Variants in RBP3 observed in about 807,000 individuals in gnomAD.
RBP3 encodes the protein retinol binding protein 3, also known as retinol-binding protein 3.
A neutral mutation model predicts 64.8 loss-of-function variants in RBP3; 50 were observed. That is an observed-to-expected ratio of 0.77 (90% CI 0.61 to 0.98). RBP3 has a LOEUF of 0.98. Ranked by LOEUF, RBP3 falls within the 50% of genes least tolerant of loss-of-function variation. The pLI is 0.00. For synonymous variants in RBP3, 828 were observed against 730.2 expected, an observed-to-expected ratio of 1.13 and a Z score of -2.16; for missense variants, 1,712 against 1,660.5, an observed-to-expected ratio of 1.03 and a Z score of -0.54.
chr10:47,351,180 T>G lies in RBP3; in HGVS notation c.2696T>G (p.Met899Arg), dbSNP rs547864418. 6.2e-7 allele frequency: 1 copy of G among 1,613,064 alleles called. No individual in the cohort carries two copies. Among genetic ancestry groups the G allele is most frequent in the African/African-American group, 1.3e-5 (1 of 74,950 alleles). ...GCATCCATGCCCACCCAGATGGCCATGAGTGCCACCACAGGCAAGGCCTGG... is the reference window on the plus strand; with the variant it reads ...GCATCCATGCCCACCCAGATGGCCAGGAGTGCCACCACAGGCAAGGCCTGG... ...LYASMPTQMA[M>R]SATTGKAWDL... The change falls in exon 1 of 4, where the codon ATG becomes AGG. Residue 899 changes from methionine (M) to arginine (R), a missense_variant. Coordinates refer to ENST00000584701, the MANE Select transcript of RBP3 (RefSeq NM_002900.3).
Position 47,349,306 on chromosome 10 carries a change from T to G in RBP3, c.822T>G (p.Ser274=), listed in dbSNP as rs368795235. ...TCCGGAAGCTGAGGATAGGCGAGTCTGACTTCTTCTTCACGGTGCCCGTGT... is the reference window on the plus strand; with the variant it reads ...TCCGGAAGCTGAGGATAGGCGAGTCGGACTTCTTCTTCACGGTGCCCGTGT... ...LDLRKLRIGE[S]DFFFTVPVSR... Residue 274 remains serine (S), a synonymous_variant, in exon 1 of 4, where the codon TCT becomes TCG. Transcript: ENST00000584701. The G allele has an allele frequency of 1.9e-6, 3 of 1,612,708 alleles. No homozygotes were observed. Among genetic ancestry groups the G allele is most frequent in the African/African-American group, 2.7e-5 (2 of 74,928 alleles).
chr10:47,353,363 T>G lies in RBP3; in HGVS notation c.3093T>G (p.Phe1031Leu). The G allele has an allele frequency of 6.2e-7, 1 of 1,614,108 alleles. No homozygotes were observed. Among genetic ancestry groups the G allele is most frequent in the Non-Finnish European group, 8.5e-7 (1 of 1,180,042 alleles). ...SPEVFEELIK[F>L]SFHTNVLEDN... is the part of the protein sequence containing the mutation. ...AAGTATTTGAAGAGCTGATCAAGTT[T>G]TCCTTCCACACTAACGTGCTTGAGG... Residue 1031 changes from phenylalanine to leucine, a missense_variant, in exon 2 of 4, where the codon TTT becomes TTG. Phe to Leu is a conservative substitution (Grantham distance 22). Coordinates refer to ENST00000584701, the MANE Select transcript of RBP3 (RefSeq NM_002900.3).
In RBP3 at chr10:47,353,700, T is replaced by C. The variant is rs186869531; in HGVS notation, c.3245+185T>C. ...CCAGCAGATCTGCTGTCATTGCAGG[T>C]GGGGCCCAGCACTGGTAGTTTTTGC... On this transcript the variant is annotated intron_variant, in intron 2 of 3. Transcript: ENST00000584701. 1.0e-3 allele frequency among the ~76,000 whole-genome samples: 154 copies of C among 152,332 alleles called. 3 individuals carry two copies. The East Asian group carries it at 0.023, about 23-fold the overall frequency.
Position 47,350,801 on chromosome 10 carries a change from G to C in RBP3, c.2317G>C (p.Val773Leu). The change falls in exon 1 of 4, where the codon GTG (valine) becomes CTG (leucine). Residue 773 changes from valine (V) to leucine (L), a missense_variant. Coordinates refer to ENST00000584701, the MANE Select transcript of RBP3 (RefSeq NM_002900.3). ...QLVRLVWQQL[V>L]DTAALVIDLR... Reference sequence around the variant, plus strand: ...GGTGCGGCTGGTATGGCAACAGCTGGTGGACACGGCTGCGCTGGTGATCGA... The same window carrying C: ...GGTGCGGCTGGTATGGCAACAGCTGCTGGACACGGCTGCGCTGGTGATCGA... 2 of 1,613,062 alleles carry C rather than the reference G, an allele frequency of 1.2e-6. No homozygotes were observed. Among genetic ancestry groups the C allele is most frequent in the Non-Finnish European group, 1.7e-6 (2 of 1,180,020 alleles).
intron 3 of RBP3, among the ~76,000 whole-genome samples, chr10:47,355,765 T>C (rs1430489638): frequency 6.6e-6 from 1 of 152,154 alleles, no homozygotes; most frequent in East Asian, 1.9e-4. Context: ...AGCTAATAAG[T>C]GAAACCCAAA....
Position 47,351,235 on chromosome 10 carries a change from T to A in RBP3, c.2751T>A (p.Thr917=). Residue 917 remains threonine, a synonymous_variant, in exon 1 of 4, where the codon ACT becomes ACA. Coordinates refer to ENST00000584701, the MANE Select transcript of RBP3 (RefSeq NM_002900.3). ...TGGCTGGTGTGGAGCCCGACATCACTGTGCCCATGAGCGAAGCCCTTTCCA... is the reference window on the plus strand; with the variant it reads ...TGGCTGGTGTGGAGCCCGACATCACAGTGCCCATGAGCGAAGCCCTTTCCA... ...WDLAGVEPDI[T]VPMSEALSIA... 1 of 1,613,338 alleles carries A rather than the reference T, an allele frequency of 6.2e-7. No individual in the cohort carries two copies. The highest frequency in any genetic ancestry group is 8.5e-7 in the Non-Finnish European group (1 of 1,180,038).
At position 47,352,392 on chromosome 10, in the gene RBP3, C is replaced by T. The variant is rs114096589; in HGVS notation, c.3054+854C>T. Reference sequence around the variant, plus strand: ...CTCTTCTTGGAGAAGGCCTGAGCTACGGGTGGAAAGGCAGGGCTGTGCTAT... The same window carrying T: ...CTCTTCTTGGAGAAGGCCTGAGCTATGGGTGGAAAGGCAGGGCTGTGCTAT... On this transcript the variant is annotated intron_variant, in intron 1 of 3. Coordinates refer to ENST00000584701, the MANE Select transcript of RBP3 (RefSeq NM_002900.3). Among the ~76,000 whole-genome samples the T allele has an allele frequency of 6.3e-3, 955 of 152,268 alleles. 6 individuals carry two copies. The highest frequency in any genetic ancestry group is 0.02 in the African/African-American group (821 of 41,540).
In RBP3 at chr10:47,351,349, C is replaced by G; in HGVS notation, c.2865C>G (p.Ala955=). 1 of 1,613,536 alleles carries G rather than the reference C, an allele frequency of 6.2e-7. No homozygotes were observed. Among genetic ancestry groups the G allele is most frequent in the South Asian group, 1.1e-5 (1 of 91,084 alleles). Residue 955 remains alanine, a synonymous_variant, in exon 1 of 4, where the codon GCC becomes GCG. Coordinates refer to ENST00000584701, the MANE Select transcript of RBP3 (RefSeq NM_002900.3). ...GKLVADNYAS[A]ELGAKMATKL... ...TGGTGGCTGATAACTATGCCTCTGCCGAGCTGGGGGCCAAGATGGCCACCA... is the reference window on the plus strand; with the variant it reads ...TGGTGGCTGATAACTATGCCTCTGCGGAGCTGGGGGCCAAGATGGCCACCA...
Position 47,351,293 on chromosome 10 carries a change from G to C in RBP3, c.2809G>C (p.Val937Leu). 1 of 1,613,514 alleles carries C rather than the reference G, an allele frequency of 6.2e-7. No individual in the cohort carries two copies. Among genetic ancestry groups the C allele is most frequent in the Non-Finnish European group, 8.5e-7 (1 of 1,180,052 alleles). The change falls in exon 1 of 4, where the codon GTG (valine) becomes CTG (leucine). Residue 937 changes from valine to leucine, a missense_variant. Physicochemically the swap from Val to Leu is conservative, Grantham distance 32 (BLOSUM62 1). Transcript: ENST00000584701. ...AQDIVALRAK[V>L]PTVLQTAGKL... ...GGACATAGTGGCTCTGCGTGCCAAG[G>C]TGCCCACGGTGCTGCAGACGGCCGG...
Position 47,348,767 on chromosome 10 carries a change from AC to A in RBP3, c.288del (p.Glu97SerfsTer48), listed in dbSNP as rs782634926. The A allele has an allele frequency of 6.2e-7, 1 of 1,612,838 alleles. No individual in the cohort carries two copies. The highest frequency in any genetic ancestry group is 8.5e-7 in the Non-Finnish European group (1 of 1,179,894). The part of the protein sequence containing the change: ...PRLVISYEPS[T>X]PEPPPQVPAL... Reference sequence around the variant, plus strand: ...CCTGGTCATCTCCTATGAGCCCAGCACCCCCGAGCCTCCCCCACAAGTCCCA... The same window carrying A: ...CCTGGTCATCTCCTATGAGCCCAGCACCCCGAGCCTCCCCCACAAGTCCCA... On this transcript the variant is annotated frameshift_variant, in exon 1 of 4. Transcript: ENST00000584701. LOFTEE classifies it high-confidence loss of function.
At position 47,350,958 on chromosome 10, in the gene RBP3, C is replaced by T; in HGVS notation, c.2474C>T (p.Thr825Ile). Residue 825 changes from threonine to isoleucine, a missense_variant, in exon 1 of 4, where the codon ACC becomes ATC. Coordinates refer to ENST00000584701, the MANE Select transcript of RBP3 (RefSeq NM_002900.3). ...RATSKVTEVW[T>I]LPQVAGQRYG... is the part of the protein sequence containing the mutation. ...ACCTCAAAAGTCACGGAGGTGTGGA[C>T]CTTGCCCCAGGTCGCCGGCCAGCGC... 9.3e-6 allele frequency: 15 copies of T among 1,612,774 alleles called. No individual in the cohort carries two copies. Among genetic ancestry groups the T allele is most frequent in the Non-Finnish European group, 1.3e-5 (15 of 1,179,994 alleles).
chr10:47,357,631 C>CACATATATATGTGTATGTATATAT lies in RBP3; in HGVS notation c.*176_*199dup. 1.7e-6 allele frequency: 1 copy of CACATATATATGTGTATGTATATAT among 594,690 alleles called. No individual in the cohort carries two copies. Among genetic ancestry groups the CACATATATATGTGTATGTATATAT allele is most frequent in the Non-Finnish European group, 3.0e-6 (1 of 332,494 alleles). 36.8% of individuals were successfully genotyped at this position (594,690 alleles called of 1,614,324 possible). On this transcript the variant is annotated 3_prime_UTR_variant, in exon 4 of 4. Coordinates refer to ENST00000584701, the MANE Select transcript of RBP3 (RefSeq NM_002900.3). ...ATATACACACACACACATGTATATA[C>CACATATATATGTGTATGTATATAT]ACATATATATGTGTATGTATATATA...
intron 2 of RBP3, 30 bp downstream of exon 2, chr10:47,353,545 C>T (rs782141105): frequency 2.5e-6 from 4 of 1,611,702 alleles, no homozygotes; most frequent in Non-Finnish European, 3.4e-6. Flanking sequence ...TGCTTCCTAG[C>T]CAGGACGCAG....
At position 47,357,063 on chromosome 10, in the gene RBP3, T is replaced by C. The variant is rs781895140; in HGVS notation, c.3389-39T>C. On this transcript the variant is annotated intron_variant, in intron 3 of 3. Coordinates refer to ENST00000584701, the MANE Select transcript of RBP3 (RefSeq NM_002900.3). The stretch of plus-strand genomic sequence containing the variant: ...AGAGAAGACAGGTGCTCCAGGGTCC[T>C]GACATGACCCCCATCCTGAAGGGCC... The C allele has an allele frequency of 5.0e-6, 8 of 1,584,570 alleles. No homozygotes were observed. In the South Asian group the frequency reaches 8.9e-5, roughly 18 times the overall value.
rs2132254436 is a variant in RBP3 at position 47,350,419 on chromosome 10, C to G, written c.1935C>G (p.His645Gln). 6.2e-7 allele frequency: 1 copy of G among 1,612,182 alleles called. No individual in the cohort carries two copies. The highest frequency in any genetic ancestry group is 8.5e-7 in the Non-Finnish European group (1 of 1,179,802). The part of the protein sequence containing the change: ...SLGALVEGTG[H>Q]LLEAHYARPE... ...GGGCCTTGGTGGAGGGCACAGGGCA[C>G]CTGCTGGAGGCCCACTATGCTCGGC... is the stretch of plus-strand genomic sequence containing the variant. Residue 645 changes from histidine (H) to glutamine (Q), a missense_variant, in exon 1 of 4, where the codon CAC becomes CAG. By Grantham distance (24) the His-to-Gln change is conservative. Transcript: ENST00000584701.
In RBP3 at chr10:47,351,368, G is replaced by A. The variant is rs1426209551; in HGVS notation, c.2884G>A (p.Ala962Thr). Reference sequence around the variant, plus strand: ...CTCTGCCGAGCTGGGGGCCAAGATGGCCACCAAACTGAGCGGTCTGCAGAG... The same window carrying A: ...CTCTGCCGAGCTGGGGGCCAAGATGACCACCAAACTGAGCGGTCTGCAGAG... ...YASAELGAKM[A>T]TKLSGLQSRY... is the part of the protein sequence containing the mutation. The change falls in exon 1 of 4, where the codon GCC (alanine) becomes ACC (threonine). Residue 962 changes from alanine (A) to threonine (T), a missense_variant. Transcript: ENST00000584701. 8 of 1,613,578 alleles carry A rather than the reference G, an allele frequency of 5.0e-6. No homozygotes were observed. The highest frequency in any genetic ancestry group is 6.8e-6 in the Non-Finnish European group (8 of 1,180,034).
rs1029430068 is a variant in RBP3, at chr10:47,357,364, C to A, written c.3651C>A (p.Val1217=). ...TGGGGGTGACACCCCATGTGGTTGT[C>A]CCTGCAGAAGAGGCTCTCGCCAGGG... ...EGVGVTPHVV[V]PAEEALARAK... is the part of the protein sequence containing the mutation. The change falls in exon 4 of 4, where the codon GTC becomes GTA. Residue 1217 remains valine, a synonymous_variant. Coordinates refer to ENST00000584701, the MANE Select transcript of RBP3 (RefSeq NM_002900.3). The A allele has an allele frequency of 3.7e-6, 6 of 1,614,018 alleles. No homozygotes were observed. Among genetic ancestry groups the A allele is most frequent in the Non-Finnish European group, 5.1e-6 (6 of 1,180,028 alleles).
In RBP3 at chr10:47,349,940, T is replaced by C; in HGVS notation, c.1456T>C (p.Ser486Pro). ...MDLRHNPGGP[S>P]SAVPLLLSYF... ...CCTGCGCCACAACCCTGGAGGGCCA[T>C]CCTCTGCTGTGCCCCTGCTCCTGTC... Residue 486 changes from serine (S) to proline (P), a missense_variant, in exon 1 of 4, where the codon TCC (serine) becomes CCC (proline). By Grantham distance (74) the Ser-to-Pro change is moderately conservative. Transcript: ENST00000584701. 6.2e-7 allele frequency: 1 copy of C among 1,612,362 alleles called. No individual in the cohort carries two copies. The highest frequency in any genetic ancestry group is 8.5e-7 in the Non-Finnish European group (1 of 1,179,342).
At chr10:47,353,719 T>A (rs1837011400) in intron 2 of RBP3, among the ~76,000 whole-genome samples, 1 of 152,174 alleles carries the variant, frequency 6.6e-6, no homozygotes. Context: ...GCACTGGTAG[T>A]TTTTGCAAGC....
Sources: gnomAD v4.1 joint callset for allele counts (sites outside exome capture counted in the v4.1 genomes callset) on GRCh38, gnomAD v4.1.1 for gene constraint, MANE v1.5 for transcripts, NCBI Gene and HGNC (gene_info 2026-07-23, HGNC 2026-07-21) for gene names.